The following TCF7 variants were observed in gnomAD, a reference collection of about 807,000 sequenced individuals.
TCF7 encodes transcription factor 7.
Under a neutral mutation model 46.8 loss-of-function variants are expected in TCF7, and 19 were observed. The ratio of observed to expected loss-of-function variants is 0.41; its 90% CI spans 0.28 to 0.60. TCF7 has a LOEUF of 0.60. Ranked by LOEUF, TCF7 falls within the 20% of genes least tolerant of loss-of-function variation. The probability of loss-of-function intolerance (pLI) is 0.35; values close to 1 mark genes in which losing one functional copy is unlikely to be tolerated. For synonymous variants in TCF7, 245 were observed against 213.4 expected (o/e 1.15, Z -1.29); for missense variants, 547 against 504.6 (o/e 1.08, Z -0.81).
intron 3 of TCF7, among the ~76,000 whole-genome samples, chr5:134,130,055 C>T (rs953370612): frequency 2.6e-5 from 4 of 152,222 alleles, no homozygotes; most frequent in Admixed American, 6.5e-5. Flanking sequence ...AGGGAGCTTG[C>T]GGGCCGTCCT....
intron 9 of TCF7, chr5:134,144,679 C>T (rs1024820804): frequency 4.8e-5 from 36 of 747,206 alleles, no homozygotes; most frequent in Non-Finnish European, 8.2e-5. Context: ...CCTATGGGGG[C>T]TGTAGGGTGT....
intron 3 of TCF7, among the ~76,000 whole-genome samples, chr5:134,128,128 G>A (rs1488645116): frequency 6.6e-6 from 1 of 152,138 alleles, no homozygotes; most frequent in African/African-American, 2.4e-5. Context: ...CTTTGGCCGC[G>A]CACGTGTGTT....
At position 134,142,987 on chromosome 5, in the gene TCF7, T is replaced by C; in HGVS notation, c.919-6T>C. On this transcript the variant is annotated splice_region_variant and splice_polypyrimidine_tract_variant and intron_variant, in intron 7 of 9. Transcript: ENST00000342854. Reference sequence around the variant, plus strand: ...GCACCCCACCTGCCCCTCTTCCCTGTTGCAGTGGCACGCGCTGTCGCGAGA... The same window carrying C: ...GCACCCCACCTGCCCCTCTTCCCTGCTGCAGTGGCACGCGCTGTCGCGAGA... 3 of 1,613,798 alleles carry C rather than the reference T, an allele frequency of 1.9e-6. No homozygotes were observed. Among genetic ancestry groups the C allele is most frequent in the Non-Finnish European group, 2.5e-6 (3 of 1,179,794 alleles).
intron 3 of TCF7, among the ~76,000 whole-genome samples, chr5:134,122,422 C>G (rs749730917): frequency 6.6e-6 from 1 of 152,140 alleles, no homozygotes; most frequent in South Asian, 2.1e-4. Context: ...CGGCAGCACA[C>G]GGGAATATTC....
rs571310738 is a variant in TCF7 at position 134,147,192 on chromosome 5, T to C, written c.*889T>C. The C allele has an allele frequency of 6.6e-6, 1 of 152,312 alleles. No individual in the cohort carries two copies. Among genetic ancestry groups the C allele is most frequent in the South Asian group, 2.1e-4 (1 of 4,828 alleles). 9.4% of individuals were successfully genotyped at this position (152,312 alleles called of 1,614,324 possible). A position where few individuals can be genotyped will look rare whatever the true frequency, so the allele number is the denominator to read the frequency against. On this transcript the variant is annotated 3_prime_UTR_variant, in exon 10 of 10. Coordinates refer to ENST00000342854, the MANE Select transcript of TCF7 (RefSeq NM_003202.5). ...ATCTGACACTACCTTATCAGGCAAA[T>C]TGGGGAGGGGAGGGTGTATCTAGCT...
intron 9 of TCF7, chr5:134,145,630 C>T (rs1361513051): frequency 6.9e-6 from 8 of 1,153,698 alleles, no homozygotes; most frequent in Non-Finnish European, 1.0e-5. Context: ...CACCACACTC[C>T]CTGTCCAAGG....
At position 134,146,288 on chromosome 5, in the gene TCF7, G is replaced by A. The variant is rs370513465; in HGVS notation, c.1140G>A (p.Pro380=). The A allele has an allele frequency of 1.4e-5, 22 of 1,614,118 alleles. No individual in the cohort carries two copies. The highest frequency in any genetic ancestry group is 3.3e-4 in the Middle Eastern group (2 of 6,062). ...CCGCTGCCCCAGCCCCGTTCCTTCC[G>A]ATGACAGTGCTCTAGGCTGCCCCGG... ...EKAAAPAPFL[P]MTVL is the part of the protein sequence containing the mutation. Residue 380 remains proline (P), a synonymous_variant, in exon 10 of 10, where the codon CCG becomes CCA. Coordinates refer to ENST00000342854, the MANE Select transcript of TCF7 (RefSeq NM_003202.5).
chr5:134,116,558 C>G (rs1039245214), intron 3 of TCF7, among the ~76,000 whole-genome samples: 4 of 152,156 alleles, frequency 2.6e-5, no homozygotes, highest in African/African-American at 9.7e-5. Context: ...AAAGAAGGAC[C>G]CTGAACACCA....
At chr5:134,143,564 T>C (rs1210600305) in intron 8 of TCF7, 28 bp from the exon 9 acceptor site, 1 of 1,614,100 alleles carries the variant, frequency 6.2e-7, no homozygotes, top group Admixed American at 1.7e-5. Context: ...CTCCCAGATC[T>C]GAGCATCCCT....
chr5:134,113,423 T>C (rs941238827), upstream of TCF7, among the ~76,000 whole-genome samples: 1 of 152,234 alleles, frequency 6.6e-6, no homozygotes, highest in East Asian at 1.9e-4. Flanking sequence ...CCAGCCACGC[T>C]GGGCCTGGAC....
At chr5:134,120,854 G>T (rs1391050635) in intron 3 of TCF7, among the ~76,000 whole-genome samples, 2 of 152,346 alleles carry the variant, frequency 1.3e-5, no homozygotes, top group East Asian at 3.9e-4. Context: ...GGAGTGGTGA[G>T]CCCTCCTCCC....
At chr5:134,129,058 C>T (rs57795892) in intron 3 of TCF7, among the ~76,000 whole-genome samples, 24 of 152,358 alleles carry the variant, frequency 1.6e-4, no homozygotes, top group African/African-American at 5.5e-4. Flanking sequence ...TGGCCAAGAA[C>T]CCCAAAGGGC....
intron 4 of TCF7, chr5:134,138,372 A>AG (rs1246249367): frequency 1.8e-6 from 1 of 543,614 alleles, no homozygotes; most frequent in African/African-American, 1.9e-5. Context: ...CAAAATGTGA[A>AG]GGCTTCAGGT....
chr5:134,110,673 C>A (rs568510650), upstream of TCF7, among the ~76,000 whole-genome samples: 2 of 152,254 alleles, frequency 1.3e-5, no homozygotes, highest in African/African-American at 4.8e-5. Flanking sequence ...CAAGCCCCAA[C>A]AGGATGCCAG....
At chr5:134,134,354 G>A (rs1341073348) in intron 3 of TCF7, among the ~76,000 whole-genome samples, 1 of 152,274 alleles carries the variant, frequency 6.6e-6, no homozygotes, top group Non-Finnish European at 1.5e-5. Context: ...CTCCTCTGAA[G>A]CAGGAGCTTA....
intron 3 of TCF7, chr5:134,123,534 A>AG: frequency 2.6e-6 from 1 of 384,816 alleles, no homozygotes; most frequent in South Asian, 1.9e-5. Flanking sequence ...CACAGGTGAG[A>AG]GGGGGAGAAC....
chr5:134,126,120 C>T (rs1464757964), intron 3 of TCF7, among the ~76,000 whole-genome samples: 1 of 152,242 alleles, frequency 6.6e-6, no homozygotes, highest in African/African-American at 2.4e-5. Context: ...GCCAGGCAGG[C>T]AGAGGTGGGT....
At position 134,138,073 on chromosome 5, in the gene TCF7, G is replaced by A. The variant is rs1561684402; in HGVS notation, c.456G>A (p.Gln152=). The A allele has an allele frequency of 1.0e-5, 16 of 1,600,762 alleles. No individual in the cohort carries two copies. Among genetic ancestry groups the A allele is most frequent in the Non-Finnish European group, 1.4e-5 (16 of 1,173,110 alleles). Residue 152 remains glutamine (Q), a synonymous_variant, in exon 4 of 10, where the codon CAG becomes CAA. Transcript: ENST00000342854. ...TCATTTTTCAGCACAAGGCCAATCA[G>A]CCCCCCCACGGTGTCCCCCAACTCT... is the stretch of plus-strand genomic sequence containing the variant. ...QPQPPLHKAN[Q]PPHGVPQLSL...
intron 9 of TCF7, 149 bp downstream of exon 9, chr5:134,143,789 G>C (rs1760260818): frequency 1.2e-6 from 1 of 815,008 alleles, no homozygotes; most frequent in African/African-American, 1.7e-5. Flanking sequence ...CATCTCACAA[G>C]TCAAATTCCC....
Sources: allele counts gnomAD v4.1 joint callset (sites outside exome capture counted in the v4.1 genomes callset), GRCh38; gene constraint gnomAD v4.1.1; transcripts MANE v1.5; gene names NCBI Gene and HGNC (gene_info 2026-07-23, HGNC 2026-07-21).